ANKRD28: variants seen among roughly 807,000 people sequenced by gnomAD.
The protein encoded by ANKRD28 is serine/threonine-protein phosphatase 6 regulatory ankyrin repeat subunit A.
ANKRD28 carries 44 observed loss-of-function variants against 126.5 expected under a neutral mutation model. The observed-to-expected ratio is 0.35, with a 90% CI of 0.27 to 0.45. The LOEUF is 0.45. Ranked by LOEUF, ANKRD28 falls within the 20% of genes least tolerant of loss-of-function variation. The pLI, the probability that ANKRD28 is intolerant of heterozygous loss-of-function variation, is 1.00. For synonymous variants in ANKRD28, 442 were observed against 468.5 expected, an observed-to-expected ratio of 0.94 and a Z score of 0.73; for missense variants, 1,110 against 1,316.6, an observed-to-expected ratio of 0.84 and a Z score of 2.43.
In ANKRD28 at chr3:15,834,440, G is replaced by A. The variant is rs114005837; in HGVS notation, c.27+24937C>T. Among the ~76,000 whole-genome samples the A allele has an allele frequency of 4.2e-3, 646 of 152,220 alleles. 5 individuals carry two copies. Among genetic ancestry groups the A allele is most frequent in the East Asian group, 0.019 (101 of 5,184 alleles). ...TATTTTTATGCCAGTACCATGTTGT[G>A]TTGGTTACTATAGTCTTGCAGTATA... On this transcript the variant is annotated intron_variant, in intron 1 of 27. Transcript: ENST00000399451.
chr3:15,855,443 A>G (rs1445539162), intron 1 of ANKRD28, among the ~76,000 whole-genome samples: 1 of 152,232 alleles, frequency 6.6e-6, no homozygotes, highest in Non-Finnish European at 1.5e-5. Context: ...AATGATCCAA[A>G]TGTAAAAGCT....
chr3:15,727,173 T>C (rs1237458190), intron 6 of ANKRD28, among the ~76,000 whole-genome samples: 1 of 152,160 alleles, frequency 6.6e-6, no homozygotes, highest in African/African-American at 2.4e-5. Flanking sequence ...ACTTTCAAAG[T>C]CTTATTATTT....
chr3:15,745,108 G>C (rs1191837290), intron 4 of ANKRD28, among the ~76,000 whole-genome samples: 1 of 152,004 alleles, frequency 6.6e-6, no homozygotes, highest in African/African-American at 2.4e-5. Flanking sequence ...TGATTTGTTT[G>C]AGTTCCTTGT....
chr3:15,848,975 G>T (rs569381554), intron 1 of ANKRD28, among the ~76,000 whole-genome samples: 110 of 152,206 alleles, frequency 7.2e-4, no homozygotes, highest in African/African-American at 2.6e-3. Context: ...GTGCTAATAA[G>T]AAAGTTCAAC....
In ANKRD28 at chr3:15,853,209, T is replaced by C. The variant is rs2061688795; in HGVS notation, c.27+6168A>G. On this transcript the variant is annotated intron_variant, in intron 1 of 27. Transcript: ENST00000399451. The surrounding 1 kb of genome is among the most constrained non-coding windows in gnomAD (Gnocchi z 4.2). ...TAAATTTAAGGTATTACTTTGTTAC[T>C]GATTTGATATGATGTGAACCGCCCA... Among the ~76,000 whole-genome samples the C allele has an allele frequency of 6.6e-6, 1 of 152,234 alleles. No homozygotes were observed. Among genetic ancestry groups the C allele is most frequent in the African/African-American group, 2.4e-5 (1 of 41,460 alleles).
intron 2 of ANKRD28, among the ~76,000 whole-genome samples, chr3:15,777,030 C>A (rs1214777350): frequency 6.6e-6 from 1 of 152,104 alleles, no homozygotes; most frequent in Non-Finnish European, 1.5e-5. Flanking sequence ...AATCCCAGCA[C>A]TTTGGGAGGC....
intron 1 of ANKRD28, among the ~76,000 whole-genome samples, chr3:15,804,277 C>T: frequency 6.9e-6 from 1 of 145,196 alleles, no homozygotes; most frequent in South Asian, 2.3e-4. Context: ...ACTATACCTG[C>T]TACCAAGTCC....
chr3:15,687,638 G>GTCCACAT (rs1487981516), intron 18 of ANKRD28, among the ~76,000 whole-genome samples: 1 of 151,330 alleles, frequency 6.6e-6, no homozygotes, highest in Admixed American at 6.6e-5. Context: ...ATATTCCACA[G>GTCCACAT]TATGTTCCCA....
chr3:15,696,336 T>A, intron 14 of ANKRD28, 91 bp from the exon 15 acceptor site: 1 of 773,926 alleles, frequency 1.3e-6, no homozygotes, highest in South Asian at 1.9e-5. Context: ...CTGACAATTT[T>A]TCTTATACTT....
At chr3:15,834,580 T>C (rs935032965) in intron 1 of ANKRD28, among the ~76,000 whole-genome samples, 2 of 151,840 alleles carry the variant, frequency 1.3e-5, no homozygotes, top group African/African-American at 4.8e-5. Flanking sequence ...GGGGAAAAAA[T>C]CCACTGAAAA....
intron 11 of ANKRD28, 47 bp from the exon 12 acceptor site, chr3:15,711,321 A>G (rs1164145540): frequency 2.0e-6 from 3 of 1,493,318 alleles, no homozygotes; most frequent in Non-Finnish European, 2.8e-6. Context: ...ATTATTTTAC[A>G]CTAAAGAATT....
At chr3:15,720,806 T>C (rs2073647099) in intron 8 of ANKRD28, 109 bp downstream of exon 8, 2 of 962,196 alleles carry the variant, frequency 2.1e-6, no homozygotes, top group Non-Finnish European at 3.1e-6. Flanking sequence ...GATTTATCCA[T>C]GTTCTTGAGT....
At chr3:15,820,959 C>A (rs1225659855) in intron 1 of ANKRD28, among the ~76,000 whole-genome samples, 1 of 152,078 alleles carries the variant, frequency 6.6e-6, no homozygotes, top group African/African-American at 2.4e-5. Flanking sequence ...TTAAGGAAAT[C>A]TAGATCTGGT....
At chr3:15,729,788 T>A (rs554819617) in intron 6 of ANKRD28, among the ~76,000 whole-genome samples, 1 of 152,274 alleles carries the variant, frequency 6.6e-6, no homozygotes, top group East Asian at 1.9e-4. Flanking sequence ...AAAGTAGATA[T>A]TTACAGCCTC....
chr3:15,715,669 C>T (rs1317652022), intron 8 of ANKRD28, among the ~76,000 whole-genome samples: 5 of 152,130 alleles, frequency 3.3e-5, no homozygotes, highest in Non-Finnish European at 7.4e-5. Flanking sequence ...TTACCACAAG[C>T]AAGATTTTTG....
rs2061696928 is a variant in ANKRD28, at chr3:15,853,502, T to C, written c.27+5875A>G. On this transcript the variant is annotated intron_variant, in intron 1 of 27. Coordinates refer to the ANKRD28 transcript ENST00000399451. This position sits in a 1 kb window ranked among gnomAD's most constrained non-coding sequence, Gnocchi z 4.2. ...TTTTTGTTTTTGAGATGGAGTCTCA[T>C]TCTGTCGCCCAGGCTGGAGTGCAGT... 6.6e-6 allele frequency among the ~76,000 whole-genome samples: 1 copy of C among 152,140 alleles called. No individual in the cohort carries two copies. Among genetic ancestry groups the C allele is most frequent in the Non-Finnish European group, 1.5e-5 (1 of 68,014 alleles).
intron 18 of ANKRD28, chr3:15,689,769 G>C (rs2068575873): frequency 2.9e-6 from 1 of 345,480 alleles, no homozygotes. Context: ...GGTTTACTTG[G>C]GTTGATATAA....
chr3:15,677,642 A>C, intron 24 of ANKRD28, 80 bp from the exon 25 acceptor site: 1 of 1,089,814 alleles, frequency 9.2e-7, no homozygotes, highest in Non-Finnish European at 1.3e-6. Flanking sequence ...AGAGAAATGA[A>C]GATACAAAGC....
At chr3:15,821,184 C>T (rs1194071546) in intron 1 of ANKRD28, among the ~76,000 whole-genome samples, 1 of 152,132 alleles carries the variant, frequency 6.6e-6, no homozygotes, top group African/African-American at 2.4e-5. Context: ...CAATAACACC[C>T]CTCATTTGAG....
Sources: gnomAD v4.1 joint callset for allele counts (sites outside exome capture counted in the v4.1 genomes callset) on GRCh38, gnomAD v4.1.1 for gene constraint, Gnocchi (gnomAD v3.1) non-coding constraint, MANE v1.5 for transcripts, NCBI Gene and HGNC (gene_info 2026-07-23, HGNC 2026-07-21) for gene names.